RPS6KA5: variants seen among roughly 807,000 people sequenced by gnomAD.
RPS6KA5 encodes the protein ribosomal protein S6 kinase A5.
In RPS6KA5, 27 loss-of-function variants were observed where a neutral mutation model predicts 85.5. That is an observed-to-expected ratio of 0.32 (90% CI 0.23 to 0.44). The LOEUF is 0.44. RPS6KA5 is among the 20% of genes least tolerant of loss of function. The pLI is 1.00. For synonymous variants in RPS6KA5, 334 were observed against 348.2 expected, an observed-to-expected ratio of 0.96 and a Z score of 0.46; for missense variants, 811 against 980.9, an observed-to-expected ratio of 0.83 and a Z score of 2.31.
intron 1 of RPS6KA5, among the ~76,000 whole-genome samples, chr14:91,049,032 T>G (rs1252449122): frequency 2.0e-5 from 3 of 152,186 alleles, no homozygotes; most frequent in Admixed American, 2.0e-4. Flanking sequence ...AGACTTAACA[T>G]CTGAGGCTTT....
At chr14:91,056,181 G>A (rs938823929) in intron 1 of RPS6KA5, among the ~76,000 whole-genome samples, 3 of 152,128 alleles carry the variant, frequency 2.0e-5, no homozygotes, top group Admixed American at 1.3e-4. Flanking sequence ...AAACTTCCTC[G>A]ACCTTCTCCT....
Position 90,868,427 on chromosome 14 carries a change from A to G in RPS6KA5, c.*3647T>C, listed in dbSNP as rs1053029915. ...ACATTTGAGAGGCCAAAAGTCATAT[A>G]ATTTTAAGATACTTCATGATGTTAC... On this transcript the variant is annotated 3_prime_UTR_variant, in exon 17 of 17. Coordinates refer to ENST00000614987, the MANE Select transcript of RPS6KA5 (RefSeq NM_004755.4). 2 of 152,220 alleles carry G rather than the reference A, an allele frequency of 1.3e-5. No individual in the cohort carries two copies. The allele number at this position is 152,220 out of a possible 1,614,324, so 9.4% of individuals were successfully genotyped here.
intron 1 of RPS6KA5, among the ~76,000 whole-genome samples, chr14:91,024,402 T>C (rs1001692861): frequency 1.3e-5 from 2 of 152,182 alleles, no homozygotes; most frequent in Non-Finnish European, 2.9e-5. Context: ...TTCTACATAA[T>C]GGTTGGATTT....
intron 8 of RPS6KA5, among the ~76,000 whole-genome samples, chr14:90,903,423 C>T (rs755701633): frequency 1.3e-4 from 20 of 152,222 alleles, no homozygotes; most frequent in Non-Finnish European, 2.2e-4. Context: ...TAGCTCTCTG[C>T]CTGCACTTGC....
At chr14:90,974,681 A>G (rs868801374) in intron 3 of RPS6KA5, among the ~76,000 whole-genome samples, 5 of 152,344 alleles carry the variant, frequency 3.3e-5, no homozygotes, top group Middle Eastern at 3.4e-3. Flanking sequence ...GGAGGAGAAA[A>G]GAGGTGGCCC....
chr14:91,000,484 A>T (rs1455220538), intron 2 of RPS6KA5, among the ~76,000 whole-genome samples: 1 of 152,144 alleles, frequency 6.6e-6, no homozygotes, highest in African/African-American at 2.4e-5. Flanking sequence ...CACTCTATCA[A>T]TGTTAGTGAT....
chr14:90,951,934 G>A (rs1019641128), intron 3 of RPS6KA5, among the ~76,000 whole-genome samples: 9 of 152,010 alleles, frequency 5.9e-5, no homozygotes, highest in Admixed American at 2.6e-4. Flanking sequence ...CCGTGATTCT[G>A]ACCACCAAGA....
In RPS6KA5 at chr14:90,968,650, C is replaced by A. The variant is rs112661629; in HGVS notation, c.394+9656G>T. ...AGTCCTCATATTACTTAACTTTATG[C>A]CCTTTGCAAAGGGCAAAAAGGAAAA... On this transcript the variant is annotated intron_variant, in intron 3 of 16. Transcript: ENST00000614987. Among the ~76,000 whole-genome samples, 632 of 152,270 alleles carry A rather than the reference C, an allele frequency of 4.2e-3. 4 individuals carry two copies. Among genetic ancestry groups the A allele is most frequent in the African/African-American group, 0.014 (598 of 41,542 alleles).
intron 3 of RPS6KA5, among the ~76,000 whole-genome samples, chr14:90,962,354 A>G (rs2038847239): frequency 6.6e-6 from 1 of 151,566 alleles, no homozygotes; most frequent in Non-Finnish European, 1.5e-5. Context: ...CCCAGGCTGG[A>G]GTGCAGTGGC....
In RPS6KA5 at chr14:90,973,999, C is replaced by T. The variant is rs949563004; in HGVS notation, c.394+4307G>A. On this transcript the variant is annotated intron_variant, in intron 3 of 16. Coordinates refer to ENST00000614987, the MANE Select transcript of RPS6KA5 (RefSeq NM_004755.4). ...GCTGCAGTGGGCCAAGATTGCACCACTGCACTACAGTCAAGGTGACAGAGT... is the reference window on the plus strand; with the variant it reads ...GCTGCAGTGGGCCAAGATTGCACCATTGCACTACAGTCAAGGTGACAGAGT... Among the ~76,000 whole-genome samples the T allele has an allele frequency of 1.0e-4, 12 of 119,072 alleles. No individual in the cohort carries two copies. The South Asian group carries it at 1.1e-3, about 11-fold the overall frequency. 78.1% of individuals were successfully genotyped at this position (119,072 alleles called of 152,430 possible).
intron 5 of RPS6KA5, among the ~76,000 whole-genome samples, chr14:90,942,500 G>T (rs985559505): frequency 1.3e-5 from 2 of 152,172 alleles, no homozygotes; most frequent in Non-Finnish European, 2.9e-5. Context: ...GTCATTAAAT[G>T]CATTTGTAAT....
At chr14:90,946,266 C>T (rs2037865133) in intron 4 of RPS6KA5, among the ~76,000 whole-genome samples, 1 of 150,798 alleles carries the variant, frequency 6.6e-6, no homozygotes, top group Non-Finnish European at 1.5e-5. Flanking sequence ...GCACCTCGTT[C>T]CCCTTCCTCT....
intron 3 of RPS6KA5, among the ~76,000 whole-genome samples, chr14:90,974,332 A>T (rs997322780): frequency 6.6e-6 from 1 of 152,242 alleles, no homozygotes; most frequent in Non-Finnish European, 1.5e-5. Flanking sequence ...AATAAGTTAA[A>T]AGATACTATA....
intron 3 of RPS6KA5, among the ~76,000 whole-genome samples, chr14:90,963,803 C>A (rs2038925652): frequency 1.3e-5 from 2 of 152,118 alleles, no homozygotes; most frequent in Non-Finnish European, 2.9e-5. Flanking sequence ...AACCCAGCAA[C>A]CCAGAGTTGA....
intron 7 of RPS6KA5, 97 bp from the exon 8 acceptor site, chr14:90,906,396 G>A (rs2035507243): frequency 1.0e-6 from 1 of 956,700 alleles, no homozygotes; most frequent in Non-Finnish European, 1.5e-6. Flanking sequence ...ACATGTGAAA[G>A]AGAGATATAA....
rs75781270 is a variant in RPS6KA5 at position 91,007,250 on chromosome 14, T to C, written c.104-6091A>G. Reference sequence around the variant, plus strand: ...ACTCCTTCCCATAGAAAGAATGCCTTATGAAAACTTTTGACAAATATACAA... The same window carrying C: ...ACTCCTTCCCATAGAAAGAATGCCTCATGAAAACTTTTGACAAATATACAA... On this transcript the variant is annotated intron_variant, in intron 1 of 16. Transcript: ENST00000614987. 4.2e-3 allele frequency among the ~76,000 whole-genome samples: 644 copies of C among 152,290 alleles called. 4 individuals carry two copies. Among genetic ancestry groups the C allele is most frequent in the African/African-American group, 0.014 (594 of 41,542 alleles).
In RPS6KA5 at chr14:90,900,646, C is replaced by T; in HGVS notation, c.1210G>A (p.Gly404Arg). The T allele has an allele frequency of 1.9e-6, 3 of 1,613,992 alleles. No homozygotes were observed. The highest frequency in any genetic ancestry group is 2.5e-6 in the Non-Finnish European group (3 of 1,179,932). ...GCACTCCTGGCAACATTTGTCACTC[C>T]AGGACGTTCAACTCCCATGTGAAAC... ...LQFHMGVERPGVTNVARSAMM... is the reference protein window; with the variant it reads ...LQFHMGVERPRVTNVARSAMM... The change falls in exon 10 of 17, where the codon GGA (glycine) becomes AGA (arginine). Residue 404 changes from glycine (G) to arginine (R), a missense_variant. Transcript: ENST00000614987.
At chr14:90,949,771 ACTT>A (rs2038076951) in intron 3 of RPS6KA5, among the ~76,000 whole-genome samples, 1 of 152,194 alleles carries the variant, frequency 6.6e-6, no homozygotes, top group Non-Finnish European at 1.5e-5. Flanking sequence ...AATAATAACT[ACTT>A]ATGAATTATT....
rs8010899 is a variant in RPS6KA5, at chr14:90,851,496, A to T, written c.*20578T>A. 15,262 of 152,122 alleles carry T rather than the reference A, an allele frequency of 0.1. 1,834 individuals carry two copies. Among genetic ancestry groups the T allele is most frequent in the African/African-American group, 0.29 (12,164 of 41,428 alleles). 9.4% of individuals were successfully genotyped at this position (152,122 alleles called of 1,614,324 possible). A position where few individuals can be genotyped will look rare whatever the true frequency, so the allele number is the denominator to read the frequency against. On this transcript the variant is annotated 3_prime_UTR_variant, in exon 17 of 17. Coordinates refer to ENST00000614987, the MANE Select transcript of RPS6KA5 (RefSeq NM_004755.4). ...TGGTGAGACAGGGAGGCACAGGTTAACCCCATTTTACAGATGAAGAAATGG... is the reference window on the plus strand; with the variant it reads ...TGGTGAGACAGGGAGGCACAGGTTATCCCCATTTTACAGATGAAGAAATGG...
Sources: gnomAD v4.1 joint callset for allele counts (sites outside exome capture counted in the v4.1 genomes callset) on GRCh38, gnomAD v4.1.1 for gene constraint, MANE v1.5 for transcripts, NCBI Gene and HGNC (gene_info 2026-07-23, HGNC 2026-07-21) for gene names.